The following NEB variants were observed in gnomAD, a reference collection of about 807,000 sequenced individuals.
NEB encodes the protein nebulin.
A neutral mutation model predicts 952.2 loss-of-function variants in NEB; 512 were observed. The observed-to-expected ratio is 0.54, with a 90% CI of 0.50 to 0.58. The LOEUF (loss-of-function observed/expected upper bound fraction) is 0.58. Ranked by LOEUF, NEB falls within the 20% of genes least tolerant of loss-of-function variation. The pLI is 0.00. For synonymous variants in NEB, 2,900 were observed against 3,149.8 expected, an observed-to-expected ratio of 0.92 and a Z score of 2.66; for missense variants, 8,428 against 9,231.1, an observed-to-expected ratio of 0.91 and a Z score of 3.56.
rs922801085 is a variant in NEB at position 151,655,299 on chromosome 2, C to A, written c.6778G>T (p.Ala2260Ser). The change falls in exon 51 of 182, where the codon GCC (alanine) becomes TCC (serine). Residue 2260 changes from alanine to serine, a missense_variant. Physicochemically the swap from Ala to Ser is moderately conservative, Grantham distance 99. Around this residue, in one of 11 missense-constraint regions of NEB, gnomAD observed 2,851 missense variants for 2,791.5 expected, o/e 1.02. Transcript: ENST00000397345. The stretch of plus-strand genomic sequence containing the variant: ...CTATACAGTGTTTGATTCTGCTTGG[C>A]TTGTAAAATATCTGGTGTATCAGGC... ...VMPDTPDILQ[A>S]KQNQTLYSQK... 1.9e-6 allele frequency: 3 copies of A among 1,594,314 alleles called. No homozygotes were observed. Among genetic ancestry groups the A allele is most frequent in the Non-Finnish European group, 2.6e-6 (3 of 1,165,390 alleles).
At chr2:151,684,170 C>T (rs954090608) in intron 28 of NEB, among the ~76,000 whole-genome samples, 3 of 152,110 alleles carry the variant, frequency 2.0e-5, no homozygotes, top group East Asian at 1.9e-4. Flanking sequence ...CTTAACACCA[C>T]TGAACTGTAC....
intron 130 of NEB, among the ~76,000 whole-genome samples, chr2:151,549,245 C>T (rs1298029075): frequency 1.3e-5 from 2 of 152,194 alleles, no homozygotes; most frequent in African/African-American, 2.4e-5. Context: ...TGCAGTGAAA[C>T]ATAGCAGAAG....
intron 48 of NEB, among the ~76,000 whole-genome samples, chr2:151,657,733 A>C (rs1481702775): frequency 1.3e-5 from 2 of 152,204 alleles, no homozygotes; most frequent in Non-Finnish European, 2.9e-5. Context: ...AGCCTTGGTG[A>C]CAGATTCAAA....
At chr2:151,525,132 GC>G (rs762377397) in intron 151 of NEB, 30 bp downstream of exon 151, 4 of 1,469,182 alleles carry the variant, frequency 2.7e-6, no homozygotes, top group Admixed American at 3.4e-5. Context: ...CTTCAAATGG[GC>G]CCCCAAGAGT....
At chr2:151,669,732 T>C (rs1486544554) in intron 38 of NEB, among the ~76,000 whole-genome samples, 1 of 152,208 alleles carries the variant, frequency 6.6e-6, no homozygotes. Flanking sequence ...TTGATGAGTT[T>C]AGATTTCACT....
Position 151,519,666 on chromosome 2 carries a change from C to G in NEB, c.22582G>C (p.Ala7528Pro). The part of the protein sequence containing the change: ...YKVMKDANNL[A>P]SEVKYKADLK... Reference sequence around the variant, plus strand: ...CAATTTTAGAAACATACCTCACTTGCAAGATTATTAGCATCTTTCATGACT... The same window carrying G: ...CAATTTTAGAAACATACCTCACTTGGAAGATTATTAGCATCTTTCATGACT... Residue 7528 changes from alanine to proline, a missense_variant, in exon 154 of 182, where the codon GCA (alanine) becomes CCA (proline). Physicochemically the swap from Ala to Pro is conservative, Grantham distance 27 (BLOSUM62 -1). This residue lies in a region of NEB where 3,374 missense variants were observed against 3,651.5 expected (regional missense o/e 0.92). Coordinates refer to ENST00000397345, the MANE Select transcript of NEB (RefSeq NM_001164508.2). The G allele has an allele frequency of 6.2e-7, 1 of 1,606,132 alleles. No homozygotes were observed. The highest frequency in any genetic ancestry group is 1.3e-5 in the African/African-American group (1 of 74,838).
At chr2:151,549,832 T>C in intron 129 of NEB, 92 bp from the exon 130 acceptor site, 2 of 721,180 alleles carry the variant, frequency 2.8e-6, no homozygotes, top group Non-Finnish European at 4.9e-6. Flanking sequence ...TGTTACAGTT[T>C]TGACTAGATA....
intron 54 of NEB, among the ~76,000 whole-genome samples, chr2:151,647,840 T>C (rs1426903689): frequency 6.6e-6 from 1 of 152,142 alleles, no homozygotes. Flanking sequence ...CCAGAGAAAA[T>C]ATTTTCTTTT....
intron 72 of NEB, among the ~76,000 whole-genome samples, chr2:151,620,350 T>TAC (rs2098381168): frequency 3.0e-5 from 1 of 33,404 alleles, no homozygotes; most frequent in Non-Finnish European, 6.6e-5. Context: ...TGTGTGTGTA[T>TAC]ATATATATAT....
intron 70 of NEB, among the ~76,000 whole-genome samples, chr2:151,626,183 A>AG (rs2098521124): frequency 6.6e-6 from 1 of 151,480 alleles, no homozygotes; most frequent in African/African-American, 2.4e-5. Flanking sequence ...GTACAGTCAC[A>AG]GCTCACTGCA....
intron 134 of NEB, 54 bp downstream of exon 134, chr2:151,546,291 G>A (rs1409256329): frequency 2.9e-6 from 4 of 1,392,520 alleles, no homozygotes; most frequent in African/African-American, 1.4e-5. Flanking sequence ...GGCTGGTGAT[G>A]GGGGCATCCA....
At chr2:151,720,766 G>C (rs1185045870) in intron 9 of NEB, among the ~76,000 whole-genome samples, 1 of 152,160 alleles carries the variant, frequency 6.6e-6, no homozygotes, top group Non-Finnish European at 1.5e-5. Flanking sequence ...GCTGGCTCCT[G>C]TTCAGTCCTA....
chr2:151,543,858 A>G (rs1045330485), intron 135 of NEB, among the ~76,000 whole-genome samples: 1 of 152,168 alleles, frequency 6.6e-6, no homozygotes, highest in African/African-American at 2.4e-5. Flanking sequence ...TGCATTGCTT[A>G]TGCTTCTTGG....
chr2:151,605,300 A>T lies in NEB; in HGVS notation c.12748-429T>A, dbSNP rs1197354320. On this transcript the variant is annotated intron_variant, in intron 84 of 181. Coordinates refer to ENST00000397345, the MANE Select transcript of NEB (RefSeq NM_001164508.2). ...ATACTATTATTAACATATATTCCAG[A>T]TGGGGAAAACAAGGCACAGGTGATA... Among the ~76,000 whole-genome samples, 134 of 126,526 alleles carry T rather than the reference A, an allele frequency of 1.1e-3. 3 individuals are homozygous for T. Among genetic ancestry groups the T allele is most frequent in the South Asian group, 3.5e-3 (14 of 3,952 alleles). The allele number at this position is 126,526 out of a possible 152,430, so 83.0% of individuals were successfully genotyped here. A position where few individuals can be genotyped will look rare whatever the true frequency, so the allele number is the denominator to read the frequency against.
intron 27 of NEB, among the ~76,000 whole-genome samples, chr2:151,686,754 T>A (rs2099503696): frequency 6.6e-6 from 1 of 152,130 alleles, no homozygotes; most frequent in African/African-American, 2.4e-5. Flanking sequence ...CTCTAAACAT[T>A]TTATACACAA....
rs1378242470 is a variant in NEB at position 151,677,554 on chromosome 2, A to C, written c.3774+11T>G. ...CCATATCCTCTGTCCTCTCTATTTT[A>C]TTGTACTCACATCACTGACTTGCTT... On this transcript the variant is annotated intron_variant, in intron 34 of 181. Coordinates refer to ENST00000397345, the MANE Select transcript of NEB (RefSeq NM_001164508.2). 1 of 1,605,388 alleles carries C rather than the reference A, an allele frequency of 6.2e-7. No homozygotes were observed. The highest frequency in any genetic ancestry group is 8.5e-7 in the Non-Finnish European group (1 of 1,173,562).
chr2:151,647,282 G>C (rs2098972742), intron 54 of NEB, among the ~76,000 whole-genome samples: 1 of 151,856 alleles, frequency 6.6e-6, no homozygotes, highest in African/African-American at 2.4e-5. Context: ...GCTAATTTTT[G>C]TATTTTTAGT....
At chr2:151,687,829 T>C (rs1029913859) in intron 25 of NEB, 96 bp from the exon 26 acceptor site, 42 of 1,075,788 alleles carry the variant, frequency 3.9e-5, no homozygotes, top group Admixed American at 6.5e-5. Flanking sequence ...TGTATAGACT[T>C]ATTTCTCCTA....
At chr2:151,532,015 A>G (rs1181105596) in intron 143 of NEB, 119 bp from the exon 144 acceptor site, 1 of 634,482 alleles carries the variant, frequency 1.6e-6, no homozygotes, top group Non-Finnish European at 2.7e-6. Flanking sequence ...TTTAATTCCT[A>G]ACTGGAAATG....
Sources: allele counts gnomAD v4.1 joint callset (sites outside exome capture counted in the v4.1 genomes callset), GRCh38; gene constraint gnomAD v4.1.1; regional missense constraint gnomAD v4.1.1; transcripts MANE v1.5; gene names NCBI Gene and HGNC (gene_info 2026-07-23, HGNC 2026-07-21).